The following CDKAL1 variants were observed in gnomAD, a reference collection of about 807,000 sequenced individuals.
CDKAL1 encodes the protein threonylcarbamoyladenosine tRNA methylthiotransferase.
CDKAL1 carries 32 observed loss-of-function variants against 68.2 expected under a neutral mutation model. The ratio of observed to expected loss-of-function variants is 0.47; its 90% confidence interval spans 0.35 to 0.63. The LOEUF (loss-of-function observed/expected upper bound fraction) is 0.63. CDKAL1 is among the 30% of genes least tolerant of loss of function. The pLI is 0.00. For synonymous variants in CDKAL1, 234 were observed against 244.3 expected, an observed-to-expected ratio of 0.96 and a Z score of 0.39; for missense variants, 606 against 696.7, an observed-to-expected ratio of 0.87 and a Z score of 1.47.
chr6:20,862,206 A>T (rs1376968132), intron 9 of CDKAL1, among the ~76,000 whole-genome samples: 1 of 152,188 alleles, frequency 6.6e-6, no homozygotes, highest in Non-Finnish European at 1.5e-5. Context: ...GAAAGCTAAA[A>T]ATCACACAGC....
At chr6:20,616,465 G>A (rs1561969408) in intron 4 of CDKAL1, among the ~76,000 whole-genome samples, 1 of 140,840 alleles carries the variant, frequency 7.1e-6, no homozygotes, top group Non-Finnish European at 1.5e-5. Flanking sequence ...CTTGAGCAGT[G>A]GTTTGTAGTT....
intron 13 of CDKAL1, among the ~76,000 whole-genome samples, chr6:21,111,795 A>G (rs1010250840): frequency 4.6e-5 from 7 of 152,320 alleles, no homozygotes; most frequent in African/African-American, 7.2e-5. Context: ...AATTGTTTTC[A>G]GGAATTCTTA....
Position 20,644,598 on chromosome 6 carries a change from T to G in CDKAL1, c.287-4695T>G, listed in dbSNP as rs1478091535. ...AGGAGGCTGAGGCAGGAGAATGGCGTGAACCCGGGAGGCAGAGCTTGCAGT... is the reference window on the plus strand; with the variant it reads ...AGGAGGCTGAGGCAGGAGAATGGCGGGAACCCGGGAGGCAGAGCTTGCAGT... On this transcript the variant is annotated intron_variant, in intron 4 of 15. Transcript: ENST00000274695. Among the ~76,000 whole-genome samples, 8 of 152,230 alleles carry G rather than the reference T, an allele frequency of 5.3e-5. No homozygotes were observed. In the East Asian group the frequency reaches 1.5e-3, roughly 29 times the overall value.
intron 9 of CDKAL1, among the ~76,000 whole-genome samples, chr6:20,872,461 T>TCACA (rs1760273064): frequency 6.6e-6 from 1 of 152,140 alleles, no homozygotes; most frequent in South Asian, 2.1e-4. Context: ...TTAAGTTGGG[T>TCACA]TTCAAAGAAC....
chr6:21,178,714 C>T (rs1222481789), intron 13 of CDKAL1, among the ~76,000 whole-genome samples: 1 of 152,150 alleles, frequency 6.6e-6, no homozygotes, highest in Non-Finnish European at 1.5e-5. Context: ...TATCAACATC[C>T]CAGCAACCTA....
intron 7 of CDKAL1, 128 bp from the exon 8 acceptor site, chr6:20,781,017 C>T (rs1481619092): frequency 2.3e-6 from 2 of 883,848 alleles, no homozygotes; most frequent in East Asian, 5.3e-5. Flanking sequence ...TAAATGATCA[C>T]ACTTCACTCT....
At chr6:21,229,657 GC>G (rs1779881586) in intron 15 of CDKAL1, among the ~76,000 whole-genome samples, 1 of 152,088 alleles carries the variant, frequency 6.6e-6, no homozygotes, top group South Asian at 2.1e-4. Context: ...CTGCCCCTCC[GC>G]CCTAGCATTT....
chr6:20,881,542 T>C lies in CDKAL1; in HGVS notation c.742+35364T>C, dbSNP rs1228316374. ...TGGGCAAGCTATTGACTTGGCTATA[T>C]TTAACTAGGCATTTGATTGACCTTT... On this transcript the variant is annotated intron_variant, in intron 9 of 15. Transcript: ENST00000274695. 3.3e-5 allele frequency among the ~76,000 whole-genome samples: 5 copies of C among 152,250 alleles called. No homozygotes were observed. In the South Asian group the frequency reaches 1.0e-3, roughly 32 times the overall value.
intron 5 of CDKAL1, among the ~76,000 whole-genome samples, chr6:20,704,366 G>A (rs1406457736): frequency 2.0e-5 from 3 of 152,140 alleles, no homozygotes; most frequent in African/African-American, 7.2e-5. Context: ...AGTCAAGGAA[G>A]ACTTCTCTGG....
At chr6:20,988,180 A>ATGTGTGTGTGTGTG (rs1491171083) in intron 10 of CDKAL1, among the ~76,000 whole-genome samples, 57 of 34,348 alleles carry the variant, frequency 1.7e-3, no homozygotes, top group African/African-American at 4.0e-3. Flanking sequence ...AAGAAACATA[A>ATGTGTGTGTGTGTG]TATGTGTGTG....
chr6:20,763,446 A>G (rs539844743), intron 7 of CDKAL1, among the ~76,000 whole-genome samples: 3 of 152,264 alleles, frequency 2.0e-5, no homozygotes, highest in Non-Finnish European at 4.4e-5. Context: ...CTTCTTAGTT[A>G]TGCAGTGAGC....
intron 7 of CDKAL1, among the ~76,000 whole-genome samples, chr6:20,773,215 T>A (rs1199940232): frequency 1.3e-5 from 2 of 152,246 alleles, no homozygotes; most frequent in Non-Finnish European, 2.9e-5. Flanking sequence ...TTCTGTGTTT[T>A]ATATTCTTTT....
In CDKAL1 at chr6:20,598,249, G is replaced by T. The variant is rs923961249; in HGVS notation, c.286+49544G>T. 4.6e-5 allele frequency among the ~76,000 whole-genome samples: 7 copies of T among 152,326 alleles called. 1 individual carries two copies. In the Middle Eastern group the frequency reaches 0.02, roughly 444 times the overall value. ...TCCTTACATTCTTATATTTGTGATGGTTATAGTTAGAAAAATCACTGGAAT... is the reference window on the plus strand; with the variant it reads ...TCCTTACATTCTTATATTTGTGATGTTTATAGTTAGAAAAATCACTGGAAT... On this transcript the variant is annotated intron_variant, in intron 4 of 15. Coordinates refer to ENST00000274695, the MANE Select transcript of CDKAL1 (RefSeq NM_017774.3).
intron 4 of CDKAL1, among the ~76,000 whole-genome samples, chr6:20,590,600 A>G (rs1225952136): frequency 6.6e-6 from 1 of 152,040 alleles, no homozygotes. Context: ...GAGTGAGAAC[A>G]TGCAGTGTTT....
At chr6:20,822,468 T>A (rs1283109682) in intron 8 of CDKAL1, among the ~76,000 whole-genome samples, 1 of 152,166 alleles carries the variant, frequency 6.6e-6, no homozygotes, top group Non-Finnish European at 1.5e-5. Flanking sequence ...GACCTCGCGA[T>A]ACTTCTCGGA....
chr6:21,094,324 G>T (rs1458735761), intron 12 of CDKAL1, among the ~76,000 whole-genome samples: 2 of 152,078 alleles, frequency 1.3e-5, no homozygotes, highest in Non-Finnish European at 2.9e-5. Context: ...AAGAGTTGAA[G>T]GTAGTTACTT....
intron 9 of CDKAL1, among the ~76,000 whole-genome samples, chr6:20,863,473 T>G (rs370158256): frequency 2.0e-5 from 3 of 151,196 alleles, no homozygotes; most frequent in Non-Finnish European, 4.4e-5. Context: ...AAATGTTTTT[T>G]GAATGAATGT....
At chr6:21,035,852 T>C (rs1433568518) in intron 11 of CDKAL1, among the ~76,000 whole-genome samples, 5 of 152,184 alleles carry the variant, frequency 3.3e-5, no homozygotes, top group Non-Finnish European at 1.5e-5. Context: ...TGGTTTTAAC[T>C]GAGCATTTAG....
At chr6:20,540,702 C>G (rs1027715798) in intron 2 of CDKAL1, among the ~76,000 whole-genome samples, 1 of 152,030 alleles carries the variant, frequency 6.6e-6, no homozygotes, top group East Asian at 1.9e-4. Flanking sequence ...GTGATCCATC[C>G]GCCTCAGCCT....
Sources: allele counts gnomAD v4.1 joint callset (sites outside exome capture counted in the v4.1 genomes callset), GRCh38; gene constraint gnomAD v4.1.1; transcripts MANE v1.5; gene names NCBI Gene and HGNC (gene_info 2026-07-23, HGNC 2026-07-21).